The following AGBL1 variants were observed in gnomAD, a reference collection of about 807,000 sequenced individuals.
AGBL1 encodes cytosolic carboxypeptidase 4.
Under a neutral mutation model 118.9 loss-of-function variants are expected in AGBL1, and 130 were observed. That is an observed-to-expected ratio of 1.09 (90% CI 0.95 to 1.26). AGBL1 has a LOEUF of 1.26. Ranked by LOEUF, AGBL1 falls within the 50% of genes most tolerant of loss-of-function variation. AGBL1 has a pLI of 0.00. For missense variants in AGBL1, 1,584 were observed against 1,298.1 expected (o/e 1.22, Z -3.38); for synonymous variants, 555 against 478.9 (o/e 1.16, Z -2.08).
chr15:86,968,996 T>A (rs914098431), intron 23 of AGBL1, among the ~76,000 whole-genome samples: 6 of 151,902 alleles, frequency 3.9e-5, no homozygotes, highest in Non-Finnish European at 8.8e-5. Flanking sequence ...TACCATCACT[T>A]TAGGGTTAGA....
intron 21 of AGBL1, among the ~76,000 whole-genome samples, chr15:86,632,400 A>G (rs111579465): frequency 0.11 from 17,455 of 151,854 alleles, 1,139 homozygotes; most frequent in East Asian, 0.15. Context: ...CCGAGATTTC[A>G]CCATTGCACT....
intron 18 of AGBL1, among the ~76,000 whole-genome samples, chr15:86,438,346 A>G (rs1439024055): frequency 6.6e-6 from 1 of 152,130 alleles, no homozygotes; most frequent in Non-Finnish European, 1.5e-5. Context: ...ATCTCCTAAT[A>G]CTCCACAATC....
chr15:86,682,674 T>C, intron 22 of AGBL1, among the ~76,000 whole-genome samples: 1 of 152,204 alleles, frequency 6.6e-6, no homozygotes, highest in East Asian at 1.9e-4. Flanking sequence ...CTCCACAAAA[T>C]TTTAAACAAC....
chr15:86,595,633 G>T (rs2084394744), intron 21 of AGBL1, among the ~76,000 whole-genome samples: 1 of 151,948 alleles, frequency 6.6e-6, no homozygotes, highest in South Asian at 2.1e-4. Context: ...CCTCTTTCTT[G>T]GACTATAATC....
intron 5 of AGBL1, among the ~76,000 whole-genome samples, chr15:86,172,098 T>C (rs77911794): frequency 0.016 from 2,417 of 152,238 alleles, 30 homozygotes; most frequent in East Asian, 0.07. Context: ...TGTGCAGTGC[T>C]CAGGTGATGG....
At chr15:86,423,252 T>G (rs898856028) in intron 18 of AGBL1, among the ~76,000 whole-genome samples, 3 of 152,190 alleles carry the variant, frequency 2.0e-5, no homozygotes, top group Admixed American at 2.0e-4. Flanking sequence ...TAAAGTCACC[T>G]TCATCCATGG....
chr15:86,924,332 G>A (rs1475586576), intron 23 of AGBL1, among the ~76,000 whole-genome samples: 1 of 152,252 alleles, frequency 6.6e-6, no homozygotes, highest in African/African-American at 2.4e-5. Flanking sequence ...ATTTAGGGTA[G>A]AAAGGTGTGT....
intron 22 of AGBL1, among the ~76,000 whole-genome samples, chr15:86,699,540 T>G (rs2086320658): frequency 6.7e-6 from 1 of 149,072 alleles, no homozygotes; most frequent in Non-Finnish European, 1.5e-5. Flanking sequence ...TTGATCTTTC[T>G]TGGCCTTTCA....
At position 86,554,385 on chromosome 15, in the gene AGBL1, C is replaced by A; in HGVS notation, c.2842C>A (p.Leu948Ile). The change falls in exon 21 of 23, where the codon CTA (leucine) becomes ATA (isoleucine). Residue 948 changes from leucine (L) to isoleucine (I), a missense_variant. Coordinates refer to ENST00000614907, the MANE Select transcript of AGBL1 (RefSeq NM_001386094.1). ...GACTCTTCCCAAAATCCTTGATAAG[C>A]TAGCACCAGCATTCACAATGAGCAG... is the stretch of plus-strand genomic sequence containing the variant. The part of the protein sequence containing the change: ...YRTLPKILDK[L>I]APAFTMSSCS... The A allele has an allele frequency of 6.3e-7, 1 of 1,584,728 alleles. No individual in the cohort carries two copies. Among genetic ancestry groups the A allele is most frequent in the Non-Finnish European group, 8.6e-7 (1 of 1,165,340 alleles).
At chr15:86,918,754 C>A (rs1237606304), downstream of AGBL1, among the ~76,000 whole-genome samples, 7 of 152,172 alleles carry the variant, frequency 4.6e-5, no homozygotes, top group Non-Finnish European at 8.8e-5. Flanking sequence ...ATACGTGAAG[C>A]ACACTATAAG....
At position 86,085,804 on chromosome 15, in the gene AGBL1, A is replaced by G. The variant is rs567699846; in HGVS notation, c.51+5781A>G. Among the ~76,000 whole-genome samples, 7 of 152,250 alleles carry G rather than the reference A, an allele frequency of 4.6e-5. No homozygotes were observed. The South Asian group carries it at 1.5e-3, about 32-fold the overall frequency. ...TTGTTGTTGTTGTTTTTAATTTGTT[A>G]TTTTAGGGGCAGCATTCAGATAGCA... On this transcript the variant is annotated intron_variant, in intron 1 of 22. Transcript: ENST00000614907.
At chr15:86,570,063 G>A (rs186058560) in intron 21 of AGBL1, among the ~76,000 whole-genome samples, 44 of 152,284 alleles carry the variant, frequency 2.9e-4, no homozygotes, top group Middle Eastern at 3.4e-3. Flanking sequence ...TTATCTTGTC[G>A]TGTAGGGAAA....
At position 86,870,175 on chromosome 15, in the gene AGBL1, T is replaced by C. The variant is rs141741079; in HGVS notation, c.3159-36912T>C. 4.3e-3 allele frequency among the ~76,000 whole-genome samples: 656 copies of C among 152,164 alleles called. 7 individuals carry two copies. Among genetic ancestry groups the C allele is most frequent in the African/African-American group, 0.015 (611 of 41,514 alleles). ...GTTAAATTGTCTTAAGATCATCTAA[T>C]TGGAAAAGGAAAGAAAAGGGAACTA... is the stretch of plus-strand genomic sequence containing the variant. On this transcript the variant is annotated intron_variant, in intron 22 of 22. Transcript: ENST00000614907.
chr15:86,403,238 T>C (rs998651518), intron 18 of AGBL1, among the ~76,000 whole-genome samples: 2 of 152,150 alleles, frequency 1.3e-5, no homozygotes, highest in African/African-American at 2.4e-5. Context: ...AAATAATTTT[T>C]ATAAAGTCAA....
chr15:86,846,851 C>G (rs1244765060), intron 22 of AGBL1, among the ~76,000 whole-genome samples: 2 of 152,184 alleles, frequency 1.3e-5, no homozygotes, highest in Non-Finnish European at 2.9e-5. Flanking sequence ...TAATTTGTAT[C>G]CATTACTTTT....
chr15:86,363,910 A>G (rs2080841478), intron 17 of AGBL1, among the ~76,000 whole-genome samples: 2 of 152,160 alleles, frequency 1.3e-5, no homozygotes, highest in African/African-American at 4.8e-5. Context: ...TTCAGGCTCA[A>G]AATTTAGTAA....
At chr15:86,157,052 A>C (rs2141700244) in intron 4 of AGBL1, among the ~76,000 whole-genome samples, 1 of 152,190 alleles carries the variant, frequency 6.6e-6, no homozygotes, top group South Asian at 2.1e-4. Context: ...AGCCTCCCAA[A>C]GTGCTGAGAT....
Position 86,413,636 on chromosome 15 carries a change from A to AT in AGBL1, c.2555+16096dup, listed in dbSNP as rs557243102. On this transcript the variant is annotated intron_variant, in intron 18 of 22. Transcript: ENST00000614907. ...TTTCTGATAATTAGTGGTGTTGGGT[A>AT]TTTTTTAGGTGCTTGTGGGACATTT... Among the ~76,000 whole-genome samples, 482 of 152,112 alleles carry AT rather than the reference A, an allele frequency of 3.2e-3. 1 individual carries two copies. The highest frequency in any genetic ancestry group is 0.011 in the African/African-American group (455 of 41,520).
intron 22 of AGBL1, among the ~76,000 whole-genome samples, chr15:86,817,519 G>GCACA (rs2078878507): frequency 7.8e-5 from 6 of 76,820 alleles, no homozygotes; most frequent in African/African-American, 3.3e-4. Context: ...AAAGAGACAG[G>GCACA]CATACACACA....
Sources: allele counts gnomAD v4.1 joint callset (sites outside exome capture counted in the v4.1 genomes callset), GRCh38; gene constraint gnomAD v4.1.1; transcripts MANE v1.5; gene names NCBI Gene and HGNC (gene_info 2026-07-23, HGNC 2026-07-21).